DYNC1I1: variants seen among roughly 807,000 people sequenced by gnomAD.
The protein encoded by DYNC1I1 is dynein cytoplasmic 1 intermediate chain 1.
Under a neutral mutation model 86.6 loss-of-function variants are expected in DYNC1I1, and 43 were observed. That is an observed-to-expected ratio of 0.50 (90% CI 0.39 to 0.64). The LOEUF is 0.64. Among genes scored for constraint, DYNC1I1 ranks in the 30% least tolerant of loss-of-function variants. DYNC1I1 has a pLI of 0.00. For synonymous variants in DYNC1I1, 262 were observed against 283.7 expected (o/e 0.92, Z 0.77); for missense variants, 604 against 788.8 (o/e 0.77, Z 2.81).
chr7:95,892,929 G>T (rs1315959046), intron 6 of DYNC1I1, among the ~76,000 whole-genome samples: 4 of 152,064 alleles, frequency 2.6e-5, no homozygotes, highest in African/African-American at 9.7e-5. Context: ...CAGGCTCCAT[G>T]GCCTCTTAAA....
intron 6 of DYNC1I1, among the ~76,000 whole-genome samples, chr7:95,962,526 T>G (rs1008009084): frequency 2.6e-5 from 4 of 152,184 alleles, no homozygotes; most frequent in Non-Finnish European, 4.4e-5. Context: ...GGTGGGCCAC[T>G]GGACACCAAG....
intron 6 of DYNC1I1, among the ~76,000 whole-genome samples, chr7:95,880,303 G>A (rs951881037): frequency 6.6e-6 from 1 of 151,976 alleles, no homozygotes; most frequent in Non-Finnish European, 1.5e-5. Flanking sequence ...TCCGTTCGTG[G>A]AATACTCTTA....
At chr7:95,898,333 C>A (rs1790943038) in intron 6 of DYNC1I1, among the ~76,000 whole-genome samples, 1 of 152,126 alleles carries the variant, frequency 6.6e-6, no homozygotes, top group Admixed American at 6.5e-5. Flanking sequence ...ATTGTTGTTC[C>A]AAGGTTCACT....
chr7:95,963,948 C>A (rs537019771), intron 6 of DYNC1I1, among the ~76,000 whole-genome samples: 1 of 152,288 alleles, frequency 6.6e-6, no homozygotes, highest in South Asian at 2.1e-4. Flanking sequence ...TTAAGACTCT[C>A]AAACTACTAG....
chr7:95,905,545 T>C (rs967610627), intron 6 of DYNC1I1, among the ~76,000 whole-genome samples: 1 of 152,208 alleles, frequency 6.6e-6, no homozygotes, highest in African/African-American at 2.4e-5. Flanking sequence ...ATTGCCCTTC[T>C]TCTTTCCTGA....
intron 14 of DYNC1I1, among the ~76,000 whole-genome samples, chr7:96,073,528 G>C (rs1256607094): frequency 6.6e-6 from 1 of 152,148 alleles, no homozygotes; most frequent in African/African-American, 2.4e-5. Context: ...GTTTAAAGCT[G>C]GATGGTCTTT....
chr7:95,991,007 A>G (rs1793716056), intron 9 of DYNC1I1, among the ~76,000 whole-genome samples: 2 of 151,312 alleles, frequency 1.3e-5, no homozygotes, highest in South Asian at 4.2e-4. Context: ...CAAGGCTGGG[A>G]GACAGATCAA....
At chr7:96,029,380 G>A (rs1231857804) in intron 11 of DYNC1I1, among the ~76,000 whole-genome samples, 1 of 152,120 alleles carries the variant, frequency 6.6e-6, no homozygotes, top group Non-Finnish European at 1.5e-5. Context: ...CAGGTGTTTG[G>A]TGAAGTAGTG....
At chr7:95,989,761 T>C (rs2299268) in intron 9 of DYNC1I1, among the ~76,000 whole-genome samples, 66,127 of 152,042 alleles carry the variant, frequency 0.43, 14,807 homozygotes, top group East Asian at 0.64. Flanking sequence ...TGTGACCTGC[T>C]TACCTACGCT....
At chr7:95,854,267 G>A (rs1009686790) in intron 5 of DYNC1I1, among the ~76,000 whole-genome samples, 1 of 151,918 alleles carries the variant, frequency 6.6e-6, no homozygotes, top group Non-Finnish European at 1.5e-5. Flanking sequence ...TTCTCTGGTG[G>A]TATGTTTTTA....
At chr7:96,069,496 G>C (rs1790099312) in intron 14 of DYNC1I1, among the ~76,000 whole-genome samples, 1 of 152,186 alleles carries the variant, frequency 6.6e-6, no homozygotes, top group Admixed American at 6.5e-5. Flanking sequence ...GGCTGTAAGA[G>C]GTAATTCAAA....
At chr7:95,847,298 G>A (rs1039583246) in intron 5 of DYNC1I1, among the ~76,000 whole-genome samples, 7 of 152,004 alleles carry the variant, frequency 4.6e-5, no homozygotes, top group East Asian at 3.9e-4. Flanking sequence ...TCCACACTTC[G>A]TTAGACCATC....
At chr7:96,039,019 A>C (rs1788955047) in intron 13 of DYNC1I1, among the ~76,000 whole-genome samples, 1 of 152,224 alleles carries the variant, frequency 6.6e-6, no homozygotes, top group Admixed American at 6.5e-5. Context: ...AGAATTAAAT[A>C]ATAAATATTG....
intron 6 of DYNC1I1, among the ~76,000 whole-genome samples, chr7:95,951,328 G>A (rs2116479446): frequency 1.3e-5 from 2 of 152,226 alleles, no homozygotes; most frequent in East Asian, 3.9e-4. Flanking sequence ...GTCATGGGCA[G>A]CATTTACGAA....
At chr7:95,888,453 A>C (rs948653248) in intron 6 of DYNC1I1, among the ~76,000 whole-genome samples, 1 of 152,148 alleles carries the variant, frequency 6.6e-6, no homozygotes, top group Non-Finnish European at 1.5e-5. Flanking sequence ...AATAAGAAGA[A>C]GAAACAAAAT....
At chr7:96,032,373 T>C (rs549966008) in intron 11 of DYNC1I1, among the ~76,000 whole-genome samples, 9 of 152,260 alleles carry the variant, frequency 5.9e-5, no homozygotes, top group Non-Finnish European at 1.2e-4. Context: ...TTCACCTCCC[T>C]GCATTGCCTC....
chr7:95,917,727 C>A (rs936951143), intron 6 of DYNC1I1, among the ~76,000 whole-genome samples: 3 of 152,342 alleles, frequency 2.0e-5, no homozygotes, highest in South Asian at 4.1e-4. Context: ...TGGATCTGAA[C>A]TTTGCTTCAT....
intron 16 of DYNC1I1, among the ~76,000 whole-genome samples, chr7:96,086,381 T>C (rs779695505): frequency 7.2e-5 from 11 of 152,242 alleles, no homozygotes; most frequent in Non-Finnish European, 1.5e-4. Flanking sequence ...TCCCTGATTA[T>C]ATTTTACAGT....
At chr7:95,783,823 C>T (rs1736289078) in intron 1 of DYNC1I1, among the ~76,000 whole-genome samples, 1 of 152,162 alleles carries the variant, frequency 6.6e-6, no homozygotes, top group Non-Finnish European at 1.5e-5. Flanking sequence ...ACTAGCTATG[C>T]AATCTTGACA....
Sources: gnomAD v4.1 joint callset for allele counts (sites outside exome capture counted in the v4.1 genomes callset) on GRCh38, gnomAD v4.1.1 for gene constraint, MANE v1.5 for transcripts, NCBI Gene and HGNC (gene_info 2026-07-23, HGNC 2026-07-21) for gene names.